Variants in MRPS6 observed in about 807,000 individuals in gnomAD.
The protein encoded by MRPS6 is small ribosomal subunit protein bS6m.
MRPS6 carries 6 observed loss-of-function variants against 13.1 expected under a neutral mutation model. The observed-to-expected ratio is 0.46, with a 90% CI of 0.25 to 0.91. MRPS6 has a LOEUF of 0.91. MRPS6 is among the 40% of genes least tolerant of loss of function. MRPS6 has a pLI of 0.18. For missense variants in MRPS6, 164 were observed against 155.6 expected (o/e 1.05, Z -0.29); for synonymous variants, 61 against 56.5 (o/e 1.08, Z -0.36).
At chr21:34,141,275 G>T (rs1980897798) in intron 2 of MRPS6, among the ~76,000 whole-genome samples, 1 of 152,204 alleles carries the variant, frequency 6.6e-6, no homozygotes, top group Non-Finnish European at 1.5e-5. Flanking sequence ...AATGCATACT[G>T]TGCCAGTGGT....
intron 2 of MRPS6, among the ~76,000 whole-genome samples, chr21:34,137,045 A>C (rs148598513): frequency 6.6e-6 from 1 of 152,304 alleles, no homozygotes; most frequent in East Asian, 1.9e-4. Flanking sequence ...GTATCTGTAC[A>C]TGAATATCAT....
chr21:34,081,499 G>T (rs1989458122), intron 1 of MRPS6, among the ~76,000 whole-genome samples: 1 of 152,142 alleles, frequency 6.6e-6, no homozygotes, highest in African/African-American at 2.4e-5. Context: ...GAAAAACCTT[G>T]TAAGATCTGA....
intron 1 of MRPS6, among the ~76,000 whole-genome samples, chr21:34,118,412 A>G (rs1282956568): frequency 1.3e-5 from 2 of 152,148 alleles, no homozygotes; most frequent in African/African-American, 4.8e-5. Flanking sequence ...ATTCGCTTGT[A>G]AGTGGACCTA....
chr21:34,095,354 T>C (rs1978919382), intron 1 of MRPS6: 1 of 1,614,018 alleles, frequency 6.2e-7, no homozygotes, highest in Non-Finnish European at 8.5e-7. Flanking sequence ...TAGCAATTGG[T>C]GCCTCTCTGT....
At chr21:34,124,079 C>T (rs1473707236) in intron 1 of MRPS6, 2 of 152,262 alleles carry the variant, frequency 1.3e-5, no homozygotes, top group African/African-American at 2.4e-5. Flanking sequence ...TCTCAGGCTT[C>T]AGAGAGCCGT....
rs559751589 is a variant in MRPS6 at position 34,134,142 on chromosome 21, T to C, written c.186-8266T>C. ...AGCCTAACTCAAAGTAAGTAATCAA[T>C]AATTAAATCTTGAATAAATGAGTAA... is the stretch of plus-strand genomic sequence containing the variant. On this transcript the variant is annotated intron_variant, in intron 2 of 2. Transcript: ENST00000399312. Among the ~76,000 whole-genome samples, 15 of 152,350 alleles carry C rather than the reference T, an allele frequency of 9.8e-5. No homozygotes were observed. In the South Asian group the frequency reaches 3.1e-3, roughly 32 times the overall value.
At chr21:34,082,772 T>C (rs1989488210) in intron 1 of MRPS6, among the ~76,000 whole-genome samples, 1 of 152,126 alleles carries the variant, frequency 6.6e-6, no homozygotes, top group African/African-American at 2.4e-5. Flanking sequence ...ATAGATAACA[T>C]CAAATTGCAA....
At chr21:34,103,231 T>C (rs1979325219) in intron 1 of MRPS6, 1 of 999,814 alleles carries the variant, frequency 1.0e-6, no homozygotes, top group South Asian at 4.7e-5. Flanking sequence ...CAGTATTGAC[T>C]CTGCTAGTTT....
intron 1 of MRPS6, among the ~76,000 whole-genome samples, chr21:34,076,175 C>A (rs1402824178): frequency 1.3e-5 from 2 of 152,142 alleles, no homozygotes; most frequent in Non-Finnish European, 2.9e-5. Flanking sequence ...AGTTTTCCAG[C>A]CTTTGGACTC....
intron 1 of MRPS6, chr21:34,098,384 C>A (rs1010816978): frequency 1.0e-6 from 1 of 1,000,072 alleles, no homozygotes; most frequent in Admixed American, 6.2e-5. Context: ...TTGATTAGAT[C>A]ATGATATATC....
chr21:34,139,938 T>C (rs1267536858), intron 2 of MRPS6, among the ~76,000 whole-genome samples: 2 of 152,156 alleles, frequency 1.3e-5, no homozygotes, highest in Non-Finnish European at 2.9e-5. Flanking sequence ...TGTAGTTGTT[T>C]CACCTTTCTC....
In MRPS6 at chr21:34,101,346, T is replaced by A. The variant is rs151028517; in HGVS notation, c.46-23995T>A. On this transcript the variant is annotated intron_variant, in intron 1 of 2. Coordinates refer to ENST00000399312, the MANE Select transcript of MRPS6 (RefSeq NM_032476.4). ...AGCTTTTTAAACCCTGGTTTGATGTTAAGCATTATAAAGTACGAAGTTTGT... is the reference window on the plus strand; with the variant it reads ...AGCTTTTTAAACCCTGGTTTGATGTAAAGCATTATAAAGTACGAAGTTTGT... 101 of 1,000,192 alleles carry A rather than the reference T, an allele frequency of 1.0e-4. 1 individual carries two copies. In the African/African-American group the frequency reaches 1.6e-3, roughly 16 times the overall value. 62.0% of individuals were successfully genotyped at this position (1,000,192 alleles called of 1,614,324 possible). A position where few individuals can be genotyped will look rare whatever the true frequency, so the allele number is the denominator to read the frequency against.
At chr21:34,111,703 A>G (rs1265014069) in intron 1 of MRPS6, among the ~76,000 whole-genome samples, 1 of 152,220 alleles carries the variant, frequency 6.6e-6, no homozygotes, top group Non-Finnish European at 1.5e-5. Flanking sequence ...GAGAGCCACC[A>G]TTCCCTAGGG....
chr21:34,135,575 T>G, intron 2 of MRPS6: 2 of 446,600 alleles, frequency 4.5e-6, no homozygotes, highest in Non-Finnish European at 8.8e-6. Flanking sequence ...CCCTCAAGAG[T>G]GCCTGTGCAC....
chr21:34,134,681 CTGATCTTTT>C (rs1342829402), intron 2 of MRPS6, among the ~76,000 whole-genome samples: 1 of 152,172 alleles, frequency 6.6e-6, no homozygotes, highest in African/African-American at 2.4e-5. Flanking sequence ...CAAGCAACCA[CTGATCTTTT>C]TTCTTTCACT....
intron 1 of MRPS6, among the ~76,000 whole-genome samples, chr21:34,090,093 A>G (rs183946047): frequency 6.6e-6 from 1 of 152,146 alleles, no homozygotes; most frequent in Non-Finnish European, 1.5e-5. Flanking sequence ...TGGATTTGGG[A>G]GGAGCATTTC....
intron 2 of MRPS6, among the ~76,000 whole-genome samples, chr21:34,127,408 G>T (rs1196425663): frequency 6.6e-6 from 1 of 152,230 alleles, no homozygotes; most frequent in African/African-American, 2.4e-5. Flanking sequence ...TCAATTAGAT[G>T]TGGGAAGCCT....
At position 34,111,721 on chromosome 21, in the gene MRPS6, C is replaced by A. The variant is rs549509940; in HGVS notation, c.46-13620C>A. Among the ~76,000 whole-genome samples the A allele has an allele frequency of 5.3e-5, 8 of 152,320 alleles. No individual in the cohort carries two copies. In the East Asian group the frequency reaches 9.6e-4, roughly 18 times the overall value. On this transcript the variant is annotated intron_variant, in intron 1 of 2. Transcript: ENST00000399312. ...AGCCACCATTCCCTAGGGCTTGCCCCCTTCCAAGTCTAATTTGGGATCTCA... is the reference window on the plus strand; with the variant it reads ...AGCCACCATTCCCTAGGGCTTGCCCACTTCCAAGTCTAATTTGGGATCTCA...
chr21:34,125,229 A>C, intron 1 of MRPS6, 112 bp from the exon 2 acceptor site: 1 of 1,464,528 alleles, frequency 6.8e-7, no homozygotes, highest in South Asian at 1.5e-5. Flanking sequence ...TTACCCAGCG[A>C]TTCCTACCAG....
Sources: allele counts gnomAD v4.1 joint callset (sites outside exome capture counted in the v4.1 genomes callset), GRCh38; gene constraint gnomAD v4.1.1; transcripts MANE v1.5; gene names NCBI Gene and HGNC (gene_info 2026-07-23, HGNC 2026-07-21).